SMG6: variants seen among roughly 807,000 people sequenced by gnomAD.
SMG6 encodes telomerase-binding protein EST1A.
SMG6 carries 66 observed loss-of-function variants against 142.2 expected under a neutral mutation model. The ratio of observed to expected loss-of-function variants is 0.46; its 90% CI spans 0.38 to 0.57. The LOEUF (loss-of-function observed/expected upper bound fraction) is 0.57, where lower values mean the gene tolerates loss of function less well. Ranked by LOEUF, SMG6 falls within the 20% of genes least tolerant of loss-of-function variation. The pLI is 0.00. For missense variants in SMG6, 1,793 were observed against 1,832.0 expected, an observed-to-expected ratio of 0.98 and a Z score of 0.39; for synonymous variants, 779 against 702.4, an observed-to-expected ratio of 1.11 and a Z score of -1.72.
At chr17:2,116,183 A>T (rs569622857) in intron 13 of SMG6, among the ~76,000 whole-genome samples, 1 of 152,096 alleles carries the variant, frequency 6.6e-6, no homozygotes, top group African/African-American at 2.4e-5. Context: ...CAGTCTTCCC[A>T]CTTCAGCCTC....
At chr17:2,297,164 G>A (rs2075160737) in intron 4 of SMG6, 79 bp downstream of exon 4, 2 of 957,982 alleles carry the variant, frequency 2.1e-6, no homozygotes, top group East Asian at 2.4e-5. Context: ...ACCCAGTACA[G>A]TGTCTAGCAC....
At position 2,186,708 on chromosome 17, in the gene SMG6, G is replaced by A. The variant is rs763656651; in HGVS notation, c.3110C>T (p.Pro1037Leu). The change falls in exon 12 of 19, where the codon CCG (proline) becomes CTG (leucine). Residue 1037 changes from proline (P) to leucine (L), a missense_variant. Physicochemically the swap from Pro to Leu is moderately conservative, Grantham distance 98. This residue lies in a region of SMG6 where 1,597 missense variants were observed against 1,584.6 expected (regional missense o/e 1.01). Coordinates refer to ENST00000263073, the MANE Select transcript of SMG6 (RefSeq NM_017575.5). ...KVWSDWMLGY[P>L]DTWNPPPTSL... ...TGTGGGAGGAGGATTCCAGGTGTCC[G>A]GGTAGCCGAGCATCCAATCTGACCA... 1.7e-5 allele frequency: 27 copies of A among 1,614,098 alleles called. No individual in the cohort carries two copies. In the African/African-American group the frequency reaches 2.8e-4, roughly 17 times the overall value.
chr17:2,109,351 C>T (rs2069244370), intron 13 of SMG6, among the ~76,000 whole-genome samples: 2 of 152,164 alleles, frequency 1.3e-5, no homozygotes, highest in Non-Finnish European at 2.9e-5. Context: ...CCAACCTCCA[C>T]CTCCTGGGTT....
intron 13 of SMG6, among the ~76,000 whole-genome samples, chr17:2,142,914 T>C (rs887452822): frequency 8.7e-6 from 1 of 115,176 alleles, no homozygotes; most frequent in African/African-American, 3.3e-5. Context: ...AAAAAAAAAG[T>C]AGGCAAATAT....
chr17:2,248,451 T>C lies in SMG6; in HGVS notation c.2662-3732A>G, dbSNP rs577505355. ...GACTAAAACGAGAGCCCCAAGAGGT[T>C]TGGAACATCTGTGCTTCTATGTGTA... is the stretch of plus-strand genomic sequence containing the variant. On this transcript the variant is annotated intron_variant, in intron 8 of 18. Transcript: ENST00000263073. Among the ~76,000 whole-genome samples the C allele has an allele frequency of 9.9e-5, 15 of 152,276 alleles. 1 individual carries two copies. In the South Asian group the frequency reaches 2.5e-3, roughly 25 times the overall value.
intron 8 of SMG6, among the ~76,000 whole-genome samples, chr17:2,267,423 C>A (rs1186864935): frequency 6.6e-6 from 1 of 151,954 alleles, no homozygotes; most frequent in African/African-American, 2.4e-5. Context: ...TGAATGAACT[C>A]CTGGATTCAA....
At chr17:2,170,931 T>C (rs1039822624) in intron 13 of SMG6, among the ~76,000 whole-genome samples, 1 of 152,156 alleles carries the variant, frequency 6.6e-6, no homozygotes, top group South Asian at 2.1e-4. Context: ...ACTATAAAAA[T>C]GATTCCATAT....
rs186586116 is a variant in SMG6, at chr17:2,248,950, T to G, written c.2662-4231A>C. Among the ~76,000 whole-genome samples, 483 of 150,884 alleles carry G rather than the reference T, an allele frequency of 3.2e-3. 1 individual carries two copies. Among genetic ancestry groups the G allele is most frequent in the Non-Finnish European group, 4.9e-3 (334 of 67,630 alleles). On this transcript the variant is annotated intron_variant, in intron 8 of 18. Coordinates refer to ENST00000263073, the MANE Select transcript of SMG6 (RefSeq NM_017575.5). ...CACCCAGGCTGGAGTGCAGTGGCGC[T>G]ATCTCAGCTCACTGCAAGCTCCGCC...
intron 12 of SMG6, among the ~76,000 whole-genome samples, chr17:2,184,044 G>A (rs1353058072): frequency 6.6e-6 from 1 of 152,140 alleles, no homozygotes; most frequent in Non-Finnish European, 1.5e-5. Context: ...AGACTGACAT[G>A]GACCCAGAAT....
At chr17:2,118,307 G>T (rs959592946) in intron 13 of SMG6, among the ~76,000 whole-genome samples, 12 of 152,310 alleles carry the variant, frequency 7.9e-5, no homozygotes, top group African/African-American at 2.9e-4. Context: ...GGAGGCTGAG[G>T]CAGGCAGATC....
At chr17:2,302,095 A>G (rs1169624072) in intron 1 of SMG6, among the ~76,000 whole-genome samples, 3 of 151,968 alleles carry the variant, frequency 2.0e-5, no homozygotes, top group Non-Finnish European at 4.4e-5. Context: ...TCTATAACGT[A>G]TACAAAAAAT....
chr17:2,189,792 TG>T lies in SMG6; in HGVS notation c.2870-1278del, dbSNP rs577599302. Among the ~76,000 whole-genome samples, 200 of 151,832 alleles carry T rather than the reference TG, an allele frequency of 1.3e-3. 1 individual carries two copies. Among genetic ancestry groups the T allele is most frequent in the Middle Eastern group, 3.4e-3 (1 of 294 alleles). On this transcript the variant is annotated intron_variant, in intron 10 of 18. Transcript: ENST00000263073. ...AGCCCCAACCCACTTCTGAAAGTACTGGGTGTAAGAAGGAGCAGGCTGCTGC... is the reference window on the plus strand; with the variant it reads ...AGCCCCAACCCACTTCTGAAAGTACTGGTGTAAGAAGGAGCAGGCTGCTGC...
intron 10 of SMG6, chr17:2,214,092 G>C (rs1260921706): frequency 6.6e-6 from 1 of 152,252 alleles, no homozygotes; most frequent in Non-Finnish European, 1.5e-5. Context: ...AAGGCCCAGA[G>C]ATAAGTCTCA....
At chr17:2,077,300 C>A (rs1356805046) in intron 15 of SMG6, among the ~76,000 whole-genome samples, 2 of 152,290 alleles carry the variant, frequency 1.3e-5, no homozygotes, top group East Asian at 3.9e-4. Context: ...GAACATGAGA[C>A]ATGATGGCAG....
At chr17:2,269,095 T>TCATAGTCCCAGCTACC (rs1479017576) in intron 8 of SMG6, among the ~76,000 whole-genome samples, 147 of 150,730 alleles carry the variant, frequency 9.8e-4, no homozygotes, top group African/African-American at 3.4e-3. Flanking sequence ...TCCCAGCTAC[T>TCATAGTCCCAGCTACC]CATAGTCCCA....
At chr17:2,087,779 C>A (rs930953335) in intron 13 of SMG6, 1 of 985,770 alleles carries the variant, frequency 1.0e-6, no homozygotes, top group Non-Finnish European at 1.2e-6. Flanking sequence ...GCAGGCAGCA[C>A]GCACAGTGGC....
At chr17:2,132,580 A>T (rs1365354158) in intron 13 of SMG6, among the ~76,000 whole-genome samples, 1 of 152,208 alleles carries the variant, frequency 6.6e-6, no homozygotes, top group Non-Finnish European at 1.5e-5. Context: ...TCTATTAACA[A>T]GATATAGAAA....
chr17:2,293,047 G>A, intron 4 of SMG6, 70 bp from the exon 5 acceptor site: 1 of 1,115,940 alleles, frequency 9.0e-7, no homozygotes, highest in Middle Eastern at 2.0e-4. Context: ...GGACAGGGAT[G>A]GGGTGAAAAT....
intron 10 of SMG6, among the ~76,000 whole-genome samples, chr17:2,218,536 ACTCC>A (rs2073084375): frequency 6.6e-6 from 1 of 152,006 alleles, no homozygotes; most frequent in Non-Finnish European, 1.5e-5. Flanking sequence ...ACAGACCGAG[ACTCC>A]GTCTCAAAAA....
Sources: gnomAD v4.1 joint callset for allele counts (sites outside exome capture counted in the v4.1 genomes callset) on GRCh38, gnomAD v4.1.1 for gene constraint, gnomAD v4.1.1 regional missense constraint, MANE v1.5 for transcripts, NCBI Gene and HGNC (gene_info 2026-07-23, HGNC 2026-07-21) for gene names.